The following TMEM131 variants were observed in gnomAD, a reference collection of about 807,000 sequenced individuals.
The protein encoded by TMEM131 is 2610524E03Rik.
A neutral mutation model predicts 211.6 loss-of-function variants in TMEM131; 66 were observed. The observed-to-expected ratio is 0.31, with a 90% CI of 0.26 to 0.38. The LOEUF (loss-of-function observed/expected upper bound fraction) is 0.38. TMEM131 is among the 10% of genes least tolerant of loss of function. TMEM131 has a pLI of 1.00. For synonymous variants in TMEM131, 844 were observed against 841.3 expected (o/e 1.00, Z -0.06); for missense variants, 2,036 against 2,299.3 (o/e 0.89, Z 2.34).
At chr2:97,924,968 C>T (rs1160702664) in intron 2 of TMEM131, among the ~76,000 whole-genome samples, 1 of 152,198 alleles carries the variant, frequency 6.6e-6, no homozygotes, top group Admixed American at 6.5e-5. Flanking sequence ...AAGTCTCGAC[C>T]TCCCAGGCTC....
chr2:97,979,707 T>G lies in TMEM131; in HGVS notation c.187+15769A>C, dbSNP rs541785254. On this transcript the variant is annotated intron_variant, in intron 1 of 40. Transcript: ENST00000186436. ...TAGAATGCTTGTGGCTGGTCTGATC[T>G]TCTATCCTGAACACTAAAGCTTACT... 7.2e-5 allele frequency among the ~76,000 whole-genome samples: 11 copies of G among 152,340 alleles called. No individual in the cohort carries two copies. In the East Asian group the frequency reaches 2.1e-3, roughly 29 times the overall value.
At position 97,890,320 on chromosome 2, in the gene TMEM131, C is replaced by T. The variant is rs577133103; in HGVS notation, c.291-2200G>A. 5.3e-5 allele frequency among the ~76,000 whole-genome samples: 8 copies of T among 152,242 alleles called. No homozygotes were observed. In the East Asian group the frequency reaches 7.7e-4, roughly 15 times the overall value. On this transcript the variant is annotated intron_variant, in intron 3 of 40. Transcript: ENST00000186436. The stretch of plus-strand genomic sequence containing the variant: ...CTGGAGTGCTCCAGGCAACTGGTGA[C>T]GGCAGATACAATCTAGGGTGGCTGC...
chr2:97,870,944 C>G (rs987791335), intron 4 of TMEM131, among the ~76,000 whole-genome samples: 1 of 152,128 alleles, frequency 6.6e-6, no homozygotes, highest in Non-Finnish European at 1.5e-5. Context: ...CCAAGTATCC[C>G]TTTAGGGGGC....
At chr2:97,779,118 C>T (rs894859759) in intron 31 of TMEM131, among the ~76,000 whole-genome samples, 2 of 152,208 alleles carry the variant, frequency 1.3e-5, no homozygotes, top group African/African-American at 2.4e-5. Flanking sequence ...CTCAACAGTT[C>T]TGGATAGAAC....
At chr2:97,978,537 A>C (rs1303131203) in intron 1 of TMEM131, among the ~76,000 whole-genome samples, 10 of 152,138 alleles carry the variant, frequency 6.6e-5, no homozygotes, top group Admixed American at 6.5e-4. Context: ...GGTGAGAGCC[A>C]CCACACCTAG....
intron 1 of TMEM131, among the ~76,000 whole-genome samples, chr2:97,956,996 C>G (rs1678597028): frequency 6.6e-6 from 1 of 151,044 alleles, no homozygotes; most frequent in Non-Finnish European, 1.5e-5. Context: ...ATTCAGGAGG[C>G]AGAGGCAGGA....
At chr2:97,959,355 T>G (rs1253826031) in intron 1 of TMEM131, among the ~76,000 whole-genome samples, 2 of 152,060 alleles carry the variant, frequency 1.3e-5, no homozygotes. Context: ...AAGAACCAAC[T>G]GCTTCAGCCC....
At chr2:97,826,828 C>G (rs1314323676) in intron 11 of TMEM131, among the ~76,000 whole-genome samples, 1 of 152,136 alleles carries the variant, frequency 6.6e-6, no homozygotes, top group Non-Finnish European at 1.5e-5. Flanking sequence ...CCAATACCAC[C>G]TTGCTGTCAG....
At chr2:97,912,953 C>G (rs189061481) in intron 2 of TMEM131, 2 of 152,124 alleles carry the variant, frequency 1.3e-5, no homozygotes, top group Non-Finnish European at 2.9e-5. Flanking sequence ...TTTTATAAAA[C>G]GAACACATCT....
intron 29 of TMEM131, among the ~76,000 whole-genome samples, chr2:97,794,016 C>CAA (rs1221709834): frequency 1.0e-5 from 1 of 96,062 alleles, no homozygotes; most frequent in East Asian, 3.6e-4. Context: ...AAAAAAAAAA[C>CAA]AAAAAACCCA....
At chr2:97,813,325 A>G (rs1681649125) in intron 15 of TMEM131, among the ~76,000 whole-genome samples, 1 of 152,158 alleles carries the variant, frequency 6.6e-6, no homozygotes, top group Non-Finnish European at 1.5e-5. Flanking sequence ...CTAAAATTCT[A>G]ATCGATGCCA....
intron 31 of TMEM131, among the ~76,000 whole-genome samples, chr2:97,779,790 G>A (rs1679909621): frequency 6.6e-6 from 1 of 152,208 alleles, no homozygotes; most frequent in Non-Finnish European, 1.5e-5. Flanking sequence ...CAAAGCAGGA[G>A]GATCACTTGA....
intron 11 of TMEM131, among the ~76,000 whole-genome samples, chr2:97,820,787 C>T (rs1025562021): frequency 1.3e-5 from 2 of 151,064 alleles, no homozygotes; most frequent in Admixed American, 6.6e-5. Flanking sequence ...ATCCGGGAGG[C>T]GGAGGTTGTA....
intron 1 of TMEM131, among the ~76,000 whole-genome samples, chr2:97,938,536 T>G (rs1172944994): frequency 6.6e-6 from 1 of 152,160 alleles, no homozygotes; most frequent in Non-Finnish European, 1.5e-5. Flanking sequence ...AACAAGCCCT[T>G]AGACACCTAC....
chr2:97,800,662 CAGG>C (rs1680988246), intron 25 of TMEM131, among the ~76,000 whole-genome samples: 1 of 150,416 alleles, frequency 6.6e-6, no homozygotes, highest in Admixed American at 6.6e-5. Context: ...GAGGCTGAGG[CAGG>C]AGAATTGCAC....
At chr2:97,962,730 C>T (rs1439636806) in intron 1 of TMEM131, among the ~76,000 whole-genome samples, 1 of 152,208 alleles carries the variant, frequency 6.6e-6, no homozygotes, top group Non-Finnish European at 1.5e-5. Flanking sequence ...AAAACTTTTA[C>T]TTAAACCTTC....
chr2:97,786,131 A>T (rs1015046607), intron 31 of TMEM131, among the ~76,000 whole-genome samples: 1 of 152,192 alleles, frequency 6.6e-6, no homozygotes, highest in African/African-American at 2.4e-5. Context: ...GGGTATAGTA[A>T]TAGTGTACAG....
In TMEM131 at chr2:97,804,341, G is replaced by A. The variant is rs532469451; in HGVS notation, c.2402+747C>T. 1.9e-3 allele frequency among the ~76,000 whole-genome samples: 292 copies of A among 152,228 alleles called. 1 individual carries two copies. The highest frequency in any genetic ancestry group is 6.4e-3 in the African/African-American group (264 of 41,528). ...GTGGGGCCTGTCTGAATGGAGCCCT[G>A]TGTGCTCCCGAATAGCTCAGCACTT... On this transcript the variant is annotated intron_variant, in intron 22 of 40. Transcript: ENST00000186436.
intron 2 of TMEM131, among the ~76,000 whole-genome samples, chr2:97,917,919 T>C (rs1676575917): frequency 6.6e-6 from 1 of 151,872 alleles, no homozygotes; most frequent in Admixed American, 6.6e-5. Context: ...AGCCCAACCC[T>C]CTAATCACAT....
Sources: allele counts gnomAD v4.1 joint callset (sites outside exome capture counted in the v4.1 genomes callset), GRCh38; gene constraint gnomAD v4.1.1; transcripts MANE v1.5; gene names NCBI Gene and HGNC (gene_info 2026-07-23, HGNC 2026-07-21).